The following DCC variants were observed in gnomAD, a reference collection of about 807,000 sequenced individuals.
DCC encodes the protein DCC netrin 1 receptor.
DCC carries 58 observed loss-of-function variants against 172.5 expected under a neutral mutation model. The observed-to-expected ratio is 0.34, with a 90% CI of 0.27 to 0.42. DCC has a LOEUF of 0.42. Ranked by LOEUF, DCC falls within the 10% of genes least tolerant of loss-of-function variation. The pLI is 1.00. For missense variants in DCC, 1,740 were observed against 1,791.0 expected (o/e 0.97, Z 0.51); for synonymous variants, 709 against 644.5 (o/e 1.10, Z -1.52).
At chr18:52,389,449 G>A (rs72916975) in intron 1 of DCC, among the ~76,000 whole-genome samples, 11,811 of 152,048 alleles carry the variant, frequency 0.078, 643 homozygotes, top group East Asian at 0.2. Context: ...TGTTAATAAC[G>A]CAGTAGGTGG....
chr18:52,477,013 C>A (rs76185060), intron 1 of DCC, among the ~76,000 whole-genome samples: 1 of 152,004 alleles, frequency 6.6e-6, no homozygotes, highest in Non-Finnish European at 1.5e-5. Flanking sequence ...TGGGAAAGAC[C>A]GCCAGCATCT....
chr18:52,388,186 C>G (rs187224479), intron 1 of DCC, among the ~76,000 whole-genome samples: 2 of 151,842 alleles, frequency 1.3e-5, no homozygotes, highest in Admixed American at 6.6e-5. Flanking sequence ...TTAGGTGTGA[C>G]GTTCAACTTC....
intron 21 of DCC, among the ~76,000 whole-genome samples, chr18:53,425,049 G>C (rs951031216): frequency 1.3e-5 from 2 of 151,972 alleles, no homozygotes; most frequent in African/African-American, 4.8e-5. Context: ...AAGGATGATG[G>C]GATGGGAGTA....
intron 1 of DCC, among the ~76,000 whole-genome samples, chr18:52,363,759 A>G (rs550299657): frequency 6.6e-6 from 1 of 152,312 alleles, no homozygotes; most frequent in African/African-American, 2.4e-5. Flanking sequence ...TGATTGGTAA[A>G]TATTTGCTAT....
At chr18:53,201,698 TG>T (rs2055539793) in intron 9 of DCC, among the ~76,000 whole-genome samples, 2 of 152,246 alleles carry the variant, frequency 1.3e-5, no homozygotes, top group South Asian at 4.1e-4. Context: ...ATGTCTGCTT[TG>T]TTATAACACA....
intron 5 of DCC, among the ~76,000 whole-genome samples, chr18:52,980,915 T>C (rs965947178): frequency 4.0e-5 from 6 of 150,664 alleles, no homozygotes; most frequent in African/African-American, 1.5e-4. Flanking sequence ...ACAAACCTTC[T>C]AATTGTTTCA....
chr18:52,885,068 C>T lies in DCC; in HGVS notation c.413-20976C>T, dbSNP rs146269616. Among the ~76,000 whole-genome samples, 649 of 152,258 alleles carry T rather than the reference C, an allele frequency of 4.3e-3. 8 individuals are homozygous for T. Among genetic ancestry groups the T allele is most frequent in the African/African-American group, 0.014 (581 of 41,552 alleles). On this transcript the variant is annotated intron_variant, in intron 2 of 28. Transcript: ENST00000442544. ...TGGGGTTGGGGGCACACAAGCACTC[C>T]TGTGGCTACCACCACTAGGAATGTG...
chr18:52,572,502 A>G (rs1193963440), intron 1 of DCC, among the ~76,000 whole-genome samples: 5 of 152,326 alleles, frequency 3.3e-5, no homozygotes, highest in African/African-American at 1.2e-4. Context: ...CAAGGTAGAC[A>G]CAGACTCCGG....
intron 1 of DCC, among the ~76,000 whole-genome samples, chr18:52,405,582 GA>G (rs1986615029): frequency 6.6e-6 from 1 of 151,248 alleles, no homozygotes; most frequent in Non-Finnish European, 1.5e-5. Flanking sequence ...TTGCTTCAAA[GA>G]GAATAAAATA....
chr18:52,532,805 C>T (rs770265379), intron 1 of DCC, among the ~76,000 whole-genome samples: 12 of 152,130 alleles, frequency 7.9e-5, no homozygotes, highest in South Asian at 2.1e-4. Context: ...ATAAAATTCA[C>T]ATAAAATATA....
At chr18:53,460,593 C>T (rs1419599414) in intron 24 of DCC, among the ~76,000 whole-genome samples, 3 of 151,938 alleles carry the variant, frequency 2.0e-5, no homozygotes, top group East Asian at 1.9e-4. Context: ...CATCCATGTC[C>T]CTACAAAGGA....
chr18:53,318,913 C>G (rs1208457006), intron 13 of DCC, among the ~76,000 whole-genome samples: 1 of 152,146 alleles, frequency 6.6e-6, no homozygotes. Flanking sequence ...TAGCAGATCT[C>G]TCTGCAGAAA....
chr18:53,466,810 G>A (rs1340656899), intron 24 of DCC, among the ~76,000 whole-genome samples: 1 of 152,198 alleles, frequency 6.6e-6, no homozygotes, highest in Admixed American at 6.5e-5. Context: ...ACAGGCGTGA[G>A]CCACCATGCC....
At chr18:53,491,653 A>C (rs2045961008) in intron 26 of DCC, among the ~76,000 whole-genome samples, 1 of 152,100 alleles carries the variant, frequency 6.6e-6, no homozygotes. Flanking sequence ...AAAGGATATA[A>C]ACTCATCCTT....
chr18:52,828,548 A>C (rs1206928740), intron 2 of DCC, among the ~76,000 whole-genome samples: 3 of 152,120 alleles, frequency 2.0e-5, no homozygotes, highest in Non-Finnish European at 4.4e-5. Context: ...TGTAATCTTT[A>C]TTCTTCTTGC....
At chr18:52,703,674 C>T (rs1460538152) in intron 1 of DCC, among the ~76,000 whole-genome samples, 1 of 151,794 alleles carries the variant, frequency 6.6e-6, no homozygotes, top group Non-Finnish European at 1.5e-5. Context: ...ACTGCTTCCT[C>T]TATTATCTTT....
At chr18:53,411,808 T>C (rs532116736) in intron 20 of DCC, among the ~76,000 whole-genome samples, 64 of 152,294 alleles carry the variant, frequency 4.2e-4, no homozygotes, top group African/African-American at 1.5e-3. Context: ...CTTTGTCATC[T>C]AAATTTTGAG....
chr18:52,711,367 A>G (rs950633743), intron 1 of DCC, among the ~76,000 whole-genome samples: 2 of 152,124 alleles, frequency 1.3e-5, no homozygotes, highest in African/African-American at 4.8e-5. Context: ...AGCTGGTATT[A>G]CAGGCATCCA....
chr18:52,419,474 TAC>T (rs1305840001), intron 1 of DCC: 2 of 152,218 alleles, frequency 1.3e-5, no homozygotes, highest in Admixed American at 1.3e-4. Context: ...GATTAGAGAG[TAC>T]GACCAAGGAA....
Sources: allele counts gnomAD v4.1 joint callset (sites outside exome capture counted in the v4.1 genomes callset), GRCh38; gene constraint gnomAD v4.1.1; transcripts MANE v1.5; gene names NCBI Gene and HGNC (gene_info 2026-07-23, HGNC 2026-07-21).